The following RBFOX3 variants were observed in gnomAD, a reference collection of about 807,000 sequenced individuals.
RBFOX3 encodes the protein RNA binding fox-1 homolog 3.
In RBFOX3, 17 loss-of-function variants were observed where a neutral mutation model predicts 48.7. That is an observed-to-expected ratio of 0.35 (90% CI 0.24 to 0.52). The LOEUF is 0.52. RBFOX3 is among the 20% of genes least tolerant of loss of function. The pLI, the probability that RBFOX3 is intolerant of heterozygous loss-of-function variation, is 0.94. For missense variants in RBFOX3, 382 were observed against 497.5 expected, an observed-to-expected ratio of 0.77 and a Z score of 2.21; for synonymous variants, 212 against 209.5, an observed-to-expected ratio of 1.01 and a Z score of -0.10.
chr17:79,582,683 G>C (rs2093112230), intron 1 of RBFOX3, among the ~76,000 whole-genome samples: 1 of 147,034 alleles, frequency 6.8e-6, no homozygotes, highest in African/African-American at 2.5e-5. Context: ...TGTAGTCCCA[G>C]CTATGTGGGA....
chr17:79,431,487 A>AT (rs10633689), intron 2 of RBFOX3, among the ~76,000 whole-genome samples: 53,027 of 121,246 alleles, frequency 0.44, 13,316 homozygotes, highest in East Asian at 0.59. Flanking sequence ...TGCCTGGCTA[A>AT]TTTTTTTTTT....
intron 1 of RBFOX3, among the ~76,000 whole-genome samples, chr17:79,544,975 C>CAAAAAAAAAAAA (rs10584963): frequency 2.5e-5 from 2 of 81,622 alleles, no homozygotes; most frequent in Non-Finnish European, 2.5e-5. Flanking sequence ...TCATTAAGGG[C>CAAAAAAAAAAAA]AAAAAAAAAA....
At chr17:79,485,564 C>A (rs2079453068) in intron 1 of RBFOX3, among the ~76,000 whole-genome samples, 1 of 152,198 alleles carries the variant, frequency 6.6e-6, no homozygotes, top group Non-Finnish European at 1.5e-5. Flanking sequence ...TCCACATCCC[C>A]CCAGAGGCTG....
intron 2 of RBFOX3, among the ~76,000 whole-genome samples, chr17:79,466,788 T>C (rs2076370498): frequency 1.3e-5 from 2 of 152,072 alleles, no homozygotes; most frequent in South Asian, 4.1e-4. Context: ...ACTCAGGGGA[T>C]TGGAGGAGAG....
At chr17:79,541,894 C>T (rs2089747870) in intron 1 of RBFOX3, among the ~76,000 whole-genome samples, 1 of 152,120 alleles carries the variant, frequency 6.6e-6, no homozygotes, top group African/African-American at 2.4e-5. Flanking sequence ...GTGACACCTC[C>T]TGCCGATGTC....
intron 4 of RBFOX3, among the ~76,000 whole-genome samples, chr17:79,144,166 C>T (rs2042528660): frequency 6.6e-6 from 1 of 152,178 alleles, no homozygotes. Flanking sequence ...AGAGGGGGGC[C>T]TGCCTCCCCC....
In RBFOX3 at chr17:79,198,534, A is replaced by G. The variant is rs529280594; in HGVS notation, c.-34+37232T>C. Among the ~76,000 whole-genome samples the G allele has an allele frequency of 9.2e-5, 14 of 152,286 alleles. No homozygotes were observed. In the East Asian group the frequency reaches 2.5e-3, roughly 27 times the overall value. Reference sequence around the variant, plus strand: ...TGGAGACTGAGGCTTGGAGAAGTTCACAGACTTTCCAGGATGTATTGCCCA... The same window carrying G: ...TGGAGACTGAGGCTTGGAGAAGTTCGCAGACTTTCCAGGATGTATTGCCCA... On this transcript the variant is annotated intron_variant, in intron 4 of 14. Transcript: ENST00000693108. The surrounding 1 kb of genome is among the most constrained non-coding windows in gnomAD (Gnocchi z 8.2).
intron 5 of RBFOX3, 25 bp downstream of exon 5, chr17:79,115,469 G>A (rs766548302): frequency 2.3e-6 from 3 of 1,295,894 alleles, no homozygotes; most frequent in Non-Finnish European, 2.9e-6. Flanking sequence ...TCCAGGGCTG[G>A]GCCTGGGGTC....
intron 1 of RBFOX3, among the ~76,000 whole-genome samples, chr17:79,494,761 G>A (rs1263004417): frequency 6.6e-6 from 1 of 152,094 alleles, no homozygotes; most frequent in Non-Finnish European, 1.5e-5. Flanking sequence ...AGTGAGGCCC[G>A]TCAAGGACTG....
At chr17:79,642,990 T>A in the RBFOX3 span, among the ~76,000 whole-genome samples, 2 of 152,198 alleles carry the variant, frequency 1.3e-5, no homozygotes, top group Admixed American at 6.5e-5. Context: ...TAGTCTCAGC[T>A]ACTCAGGAGG....
At chr17:79,484,040 G>A (rs1456160435) in intron 1 of RBFOX3, among the ~76,000 whole-genome samples, 1 of 152,176 alleles carries the variant, frequency 6.6e-6, no homozygotes, top group Non-Finnish European at 1.5e-5. Context: ...CGGTTTAGGA[G>A]ATCCACTCTG....
Position 79,245,667 on chromosome 17 carries a change from G to A in RBFOX3, c.-73-9862C>T, listed in dbSNP as rs193043503. On this transcript the variant is annotated intron_variant, in intron 3 of 14. Transcript: ENST00000693108. ...TTTTTTTGAGACACCTAACTCTGTC[G>A]CCCAGGCTGGAGTGCAGTGGCGTGA... 1.7e-3 allele frequency among the ~76,000 whole-genome samples: 229 copies of A among 135,742 alleles called. 2 individuals carry two copies. Among genetic ancestry groups the A allele is most frequent in the South Asian group, 0.016 (70 of 4,302 alleles). 89.1% of individuals were successfully genotyped at this position (135,742 alleles called of 152,430 possible). A position where few individuals can be genotyped will look rare whatever the true frequency, so the allele number is the denominator to read the frequency against.
chr17:79,365,910 A>G (rs993763954), intron 2 of RBFOX3, among the ~76,000 whole-genome samples: 1 of 152,190 alleles, frequency 6.6e-6, no homozygotes, highest in Non-Finnish European at 1.5e-5. Flanking sequence ...TGGAGATGGC[A>G]GCCCTTCTTG....
intron 2 of RBFOX3, among the ~76,000 whole-genome samples, chr17:79,369,944 T>C (rs1253468881): frequency 1.3e-5 from 2 of 152,150 alleles, no homozygotes; most frequent in Non-Finnish European, 2.9e-5. Context: ...GGGTGAGCAC[T>C]GGGCTGCAGG....
intron 1 of RBFOX3, among the ~76,000 whole-genome samples, chr17:79,545,722 G>A (rs1044688664): frequency 1.6e-4 from 25 of 152,228 alleles, no homozygotes; most frequent in African/African-American, 6.0e-4. Context: ...TGAGACTGCA[G>A]TTCCCCTTAA....
At chr17:79,097,596 T>C (rs1277338275) in intron 10 of RBFOX3, 96 bp downstream of exon 10, 15 of 1,257,008 alleles carry the variant, frequency 1.2e-5, no homozygotes, top group Non-Finnish European at 1.4e-5. Context: ...ACGGCCCACC[T>C]GGCCCCGCCC....
At chr17:79,617,867 C>T in the RBFOX3 span, among the ~76,000 whole-genome samples, 1 of 152,230 alleles carries the variant, frequency 6.6e-6, no homozygotes, top group Non-Finnish European at 1.5e-5. Flanking sequence ...TGGGATGCTG[C>T]CTACTGCGCC....
intron 2 of RBFOX3, among the ~76,000 whole-genome samples, chr17:79,406,992 G>A (rs1178734805): frequency 7.2e-5 from 11 of 152,098 alleles, no homozygotes; most frequent in African/African-American, 2.2e-4. Context: ...GCTTACCAAC[G>A]TCCGTGCATG....
intron 2 of RBFOX3, among the ~76,000 whole-genome samples, chr17:79,464,998 G>T (rs940719886): frequency 6.6e-6 from 1 of 152,244 alleles, no homozygotes; most frequent in African/African-American, 2.4e-5. Context: ...GCCCCCACCT[G>T]CCACACTGCC....
Sources: gnomAD v4.1 joint callset for allele counts (sites outside exome capture counted in the v4.1 genomes callset) on GRCh38, gnomAD v4.1.1 for gene constraint, Gnocchi (gnomAD v3.1) non-coding constraint, MANE v1.5 for transcripts, NCBI Gene and HGNC (gene_info 2026-07-23, HGNC 2026-07-21) for gene names.